Variants in MOB1A observed in about 807,000 individuals in gnomAD.
The protein encoded by MOB1A is MOB kinase activator 1A.
In MOB1A, 10 loss-of-function variants were observed where a neutral mutation model predicts 25.1. The observed-to-expected ratio is 0.40, with a 90% CI of 0.25 to 0.68. MOB1A has a LOEUF of 0.68. Among genes scored for constraint, MOB1A ranks in the 30% least tolerant of loss-of-function variants. MOB1A has a pLI of 0.40. For missense variants in MOB1A, 177 were observed against 256.3 expected (o/e 0.69, Z 2.11); for synonymous variants, 81 against 79.5 (o/e 1.02, Z -0.10).
chr2:74,169,486 G>A (rs60935651), intron 2 of MOB1A, among the ~76,000 whole-genome samples: 1,982 of 151,758 alleles, frequency 0.013, 34 homozygotes, highest in African/African-American at 0.046. Flanking sequence ...GCGACAGGGC[G>A]ATACTGTCTC....
intron 1 of MOB1A, among the ~76,000 whole-genome samples, chr2:74,174,834 A>G (rs1235156191): frequency 6.6e-6 from 1 of 152,266 alleles, no homozygotes; most frequent in Non-Finnish European, 1.5e-5. Flanking sequence ...TTAGAAAAAT[A>G]GGCTAAGGAG....
At position 74,159,204 on chromosome 2, in the gene MOB1A, G is replaced by T; in HGVS notation, c.460C>A (p.Arg154Ser). Residue 154 changes from arginine (R) to serine (S), a missense_variant, in exon 5 of 6, where the codon CGT (arginine) becomes AGT (serine). Physicochemically the swap from Arg to Ser is moderately radical, Grantham distance 110. Coordinates refer to ENST00000396049, the MANE Select transcript of MOB1A (RefSeq NM_018221.5). Reference sequence around the variant, plus strand: ...ATATGGGCATAAACCCTGAACAGACGCTTTAGAATAGTCTTTGCCACAGAC... The same window carrying T: ...ATATGGGCATAAACCCTGAACAGACTCTTTAGAATAGTCTTTGCCACAGAC... ...FMSVAKTILKRLFRVYAHIYH... is the reference protein window; with the variant it reads ...FMSVAKTILKSLFRVYAHIYH... 1 of 1,613,890 alleles carries T rather than the reference G, an allele frequency of 6.2e-7. No individual in the cohort carries two copies. The highest frequency in any genetic ancestry group is 8.5e-7 in the Non-Finnish European group (1 of 1,179,824).
Position 74,178,316 on chromosome 2 carries a change from G to A in MOB1A, c.14+345C>T, listed in dbSNP as rs569142942. 109 of 206,898 alleles carry A rather than the reference G, an allele frequency of 5.3e-4. 1 individual carries two copies. In the Middle Eastern group the frequency reaches 8.2e-3, roughly 16 times the overall value. 12.8% of individuals were successfully genotyped at this position (206,898 alleles called of 1,614,324 possible). On this transcript the variant is annotated intron_variant, in intron 1 of 5. Transcript: ENST00000396049. Reference sequence around the variant, plus strand: ...AGCAACGAGTTAAGTCGGCAAGGACGGTTTCTAGAAGCTCGAGACAAGAGA... The same window carrying A: ...AGCAACGAGTTAAGTCGGCAAGGACAGTTTCTAGAAGCTCGAGACAAGAGA...
At chr2:74,173,641 C>G (rs956259604) in intron 1 of MOB1A, among the ~76,000 whole-genome samples, 24 of 151,410 alleles carry the variant, frequency 1.6e-4, no homozygotes, top group Admixed American at 3.9e-4. Flanking sequence ...CTCAGCCTCC[C>G]AAAGTGCTAT....
chr2:74,165,831 A>G (rs1693114966), intron 3 of MOB1A, among the ~76,000 whole-genome samples: 1 of 152,248 alleles, frequency 6.6e-6, no homozygotes, highest in South Asian at 2.1e-4. Context: ...AAGGATTAAC[A>G]AGAGTTATAC....
chr2:74,161,141 T>C (rs747377542), intron 4 of MOB1A, among the ~76,000 whole-genome samples: 2 of 152,216 alleles, frequency 1.3e-5, no homozygotes, highest in South Asian at 4.1e-4. Flanking sequence ...CACATTCTTT[T>C]TTTCAATTTT....
chr2:74,160,750 A>G (rs1252940997), intron 4 of MOB1A, among the ~76,000 whole-genome samples: 4 of 151,886 alleles, frequency 2.6e-5, no homozygotes, highest in African/African-American at 9.7e-5. Flanking sequence ...AGAGTTTGGT[A>G]TCCTTCCAAG....
At chr2:74,161,861 G>A (rs536812782) in intron 4 of MOB1A, among the ~76,000 whole-genome samples, 4 of 151,900 alleles carry the variant, frequency 2.6e-5, no homozygotes, top group African/African-American at 9.7e-5. Flanking sequence ...AGTGGCTGAT[G>A]TAGAAGGACC....
rs1329930751 is a variant in MOB1A, at chr2:74,156,640, A to G, written c.579T>C (p.Phe193=). Residue 193 remains phenylalanine, a synonymous_variant, in exon 6 of 6, where the codon TTT becomes TTC. Coordinates refer to ENST00000396049, the MANE Select transcript of MOB1A (RefSeq NM_018221.5). Reference sequence around the variant, plus strand: ...CCAGCTCACGCCTATCAATCAGATTAAACTCCTAAAAAGAGAAGAAAAATA... The same window carrying G: ...CCAGCTCACGCCTATCAATCAGATTGAACTCCTAAAAAGAGAAGAAAAATA... ...FKHFIFFVQE[F]NLIDRRELAP... is the part of the protein sequence containing the mutation. The G allele has an allele frequency of 1.3e-6, 2 of 1,549,004 alleles. No individual in the cohort carries two copies. The highest frequency in any genetic ancestry group is 2.0e-5 in the Admixed American group (1 of 50,846).
chr2:74,161,963 A>G (rs758599030), intron 4 of MOB1A, among the ~76,000 whole-genome samples: 1 of 152,192 alleles, frequency 6.6e-6, no homozygotes, highest in Non-Finnish European at 1.5e-5. Flanking sequence ...TCTCAAAAAA[A>G]AAAGTAGATT....
Position 74,165,338 on chromosome 2 carries a change from A to G in MOB1A, c.289T>C (p.Trp97Arg). The change falls in exon 4 of 6, where the codon TGG (tryptophan) becomes CGG (arginine). Residue 97 changes from tryptophan (W) to arginine (R), a missense_variant. Transcript: ENST00000396049. ...TTTTTAATATTAGTACCATCTGCCC[A>G]GTGATATTCATATCTGAAGAGAAAA... The part of the protein sequence containing the change: ...MSAGPRYEYH[W>R]ADGTNIKKPI... 1.3e-6 allele frequency: 2 copies of G among 1,541,586 alleles called. No individual in the cohort carries two copies. Among genetic ancestry groups the G allele is most frequent in the Non-Finnish European group, 1.7e-6 (2 of 1,146,432 alleles).
At chr2:74,169,086 A>C (rs191962648) in intron 2 of MOB1A, among the ~76,000 whole-genome samples, 4 of 152,388 alleles carry the variant, frequency 2.6e-5, no homozygotes, top group Non-Finnish European at 5.9e-5. Flanking sequence ...CCAGACATTA[A>C]ATAAGATTTG....
intron 4 of MOB1A, among the ~76,000 whole-genome samples, chr2:74,163,752 A>G (rs1244744491): frequency 6.6e-6 from 1 of 152,226 alleles, no homozygotes; most frequent in Non-Finnish European, 1.5e-5. Context: ...TAAAATTAAG[A>G]AACTTGAACA....
At chr2:74,176,083 T>TACACACACACACACACAC (rs58496712) in intron 1 of MOB1A, among the ~76,000 whole-genome samples, 62 of 129,314 alleles carry the variant, frequency 4.8e-4, no homozygotes, top group African/African-American at 1.1e-3. Context: ...CCGCCTCTAC[T>TACACACACACACACACAC]ACACACACAC....
intron 2 of MOB1A, among the ~76,000 whole-genome samples, chr2:74,167,824 A>G (rs1352071930): frequency 6.6e-6 from 1 of 152,202 alleles, no homozygotes; most frequent in Non-Finnish European, 1.5e-5. Flanking sequence ...CAGAAAGGAC[A>G]AAATTAAAAG....
chr2:74,163,901 T>A (rs1487179791), intron 4 of MOB1A: 1 of 152,152 alleles, frequency 6.6e-6, no homozygotes, highest in Non-Finnish European at 1.5e-5. Context: ...ATAATTAAAA[T>A]CTAATTTTTT....
rs749128940 is a variant in MOB1A, at chr2:74,165,140, C to T, written c.409+78G>A. On this transcript the variant is annotated intron_variant, in intron 4 of 5. Transcript: ENST00000396049. ...TTTGAGACCAACCTGGACAACACAG[C>T]AAACCCCCCCAACTCTATTTATATT... 5.1e-6 allele frequency: 6 copies of T among 1,174,954 alleles called. No homozygotes were observed. In the South Asian group the frequency reaches 1.2e-4, roughly 23 times the overall value. 72.8% of individuals were successfully genotyped at this position (1,174,954 alleles called of 1,614,324 possible).
chr2:74,175,596 C>T (rs1395716306), intron 1 of MOB1A, among the ~76,000 whole-genome samples: 1 of 152,172 alleles, frequency 6.6e-6, no homozygotes, highest in African/African-American at 2.4e-5. Context: ...AATATCTCCT[C>T]TAGATATGGA....
At chr2:74,163,611 C>A (rs1483909386) in intron 4 of MOB1A, among the ~76,000 whole-genome samples, 1 of 152,088 alleles carries the variant, frequency 6.6e-6, no homozygotes, top group East Asian at 1.9e-4. Context: ...GCACTCCAGG[C>A]TGGGGAACAG....
Sources: gnomAD v4.1 joint callset for allele counts (sites outside exome capture counted in the v4.1 genomes callset) on GRCh38, gnomAD v4.1.1 for gene constraint, MANE v1.5 for transcripts, NCBI Gene and HGNC (gene_info 2026-07-23, HGNC 2026-07-21) for gene names.